Variants in PAPPA2 observed in about 807,000 individuals in gnomAD.
PAPPA2 encodes pappalysin 2.
Under a neutral mutation model 176.4 loss-of-function variants are expected in PAPPA2, and 86 were observed. The observed-to-expected ratio is 0.49, with a 90% CI of 0.41 to 0.58. The LOEUF (loss-of-function observed/expected upper bound fraction) is 0.58. Among genes scored for constraint, PAPPA2 ranks in the 20% least tolerant of loss-of-function variants. The pLI, the probability that PAPPA2 is intolerant of heterozygous loss-of-function variation, is 0.00. For synonymous variants in PAPPA2, 809 were observed against 852.2 expected, an observed-to-expected ratio of 0.95 and a Z score of 0.88; for missense variants, 2,073 against 2,256.9, an observed-to-expected ratio of 0.92 and a Z score of 1.65.
At chr1:176,534,960 C>T (rs1447867605) in intron 1 of PAPPA2, among the ~76,000 whole-genome samples, 5 of 152,012 alleles carry the variant, frequency 3.3e-5, no homozygotes, top group African/African-American at 9.7e-5. Context: ...TACTGGGGTG[C>T]GAGAGGATCC....
chr1:176,590,615 A>G (rs1653599464), intron 2 of PAPPA2, among the ~76,000 whole-genome samples: 1 of 152,122 alleles, frequency 6.6e-6, no homozygotes, highest in Non-Finnish European at 1.5e-5. Context: ...TCTCACAACA[A>G]CCTCATGAGG....
intron 2 of PAPPA2, among the ~76,000 whole-genome samples, chr1:176,591,283 G>T (rs1653647804): frequency 6.6e-6 from 1 of 152,098 alleles, no homozygotes; most frequent in East Asian, 1.9e-4. Flanking sequence ...GCACTCTCTA[G>T]CCTTCCCAGA....
intron 15 of PAPPA2, among the ~76,000 whole-genome samples, chr1:176,768,623 C>T (rs192379481): frequency 2.6e-5 from 4 of 152,164 alleles, no homozygotes; most frequent in Non-Finnish European, 4.4e-5. Context: ...GTTTTTGAAC[C>T]GTTGTTTCAA....
In PAPPA2 at chr1:176,695,722, C is replaced by T; in HGVS notation, c.2625-16C>T. ...GACTCTCCTCATCTCCCATCTCCAT[C>T]CCTTTATCTCCCCAGGGCCTCAGGC... On this transcript the variant is annotated splice_polypyrimidine_tract_variant and intron_variant, in intron 6 of 22. Coordinates refer to ENST00000367662, the MANE Select transcript of PAPPA2 (RefSeq NM_020318.3). 3 of 1,613,570 alleles carry T rather than the reference C, an allele frequency of 1.9e-6. No individual in the cohort carries two copies. The highest frequency in any genetic ancestry group is 2.5e-6 in the Non-Finnish European group (3 of 1,179,650).
chr1:176,710,828 A>G (rs1241240115), intron 11 of PAPPA2, among the ~76,000 whole-genome samples: 1 of 152,142 alleles, frequency 6.6e-6, no homozygotes, highest in South Asian at 2.1e-4. Context: ...CTTTGAAGAG[A>G]TTGAGGAGCC....
chr1:176,623,490 A>G (rs1209308554), intron 3 of PAPPA2, among the ~76,000 whole-genome samples: 1 of 152,134 alleles, frequency 6.6e-6, no homozygotes, highest in Non-Finnish European at 1.5e-5. Flanking sequence ...GCATAAAAAC[A>G]GCTAGTCCTC....
At chr1:176,596,186 C>A (rs991664873) in intron 3 of PAPPA2, among the ~76,000 whole-genome samples, 2 of 152,156 alleles carry the variant, frequency 1.3e-5, no homozygotes, top group Non-Finnish European at 2.9e-5. Context: ...CCAGAAGGAT[C>A]TTTTTAAAAA....
chr1:176,730,487 T>C (rs1185816453), intron 12 of PAPPA2, among the ~76,000 whole-genome samples: 1 of 152,038 alleles, frequency 6.6e-6, no homozygotes, highest in African/African-American at 2.4e-5. Flanking sequence ...TGAACCTTCT[T>C]TTTCTCTTTT....
chr1:176,535,081 T>A (rs756862438), intron 1 of PAPPA2, among the ~76,000 whole-genome samples: 7 of 152,044 alleles, frequency 4.6e-5, no homozygotes, highest in Non-Finnish European at 7.4e-5. Flanking sequence ...AAGGAATGAA[T>A]CAGCTTCCTA....
intron 2 of PAPPA2, among the ~76,000 whole-genome samples, chr1:176,577,704 C>G (rs558399527): frequency 1.1e-4 from 16 of 152,138 alleles, no homozygotes; most frequent in African/African-American, 3.6e-4. Context: ...CCCTCATGCT[C>G]TCTCTGGGGG....
chr1:176,564,850 CTCAA>C (rs1651873304), intron 2 of PAPPA2, among the ~76,000 whole-genome samples: 1 of 150,550 alleles, frequency 6.6e-6, no homozygotes, highest in South Asian at 2.1e-4. Context: ...TCTCAATTAT[CTCAA>C]TCAATTATCT....
chr1:176,736,845 T>C (rs184746439), intron 12 of PAPPA2, among the ~76,000 whole-genome samples: 5 of 151,790 alleles, frequency 3.3e-5, no homozygotes, highest in African/African-American at 9.6e-5. Flanking sequence ...AAAGTAGAGA[T>C]ATATTCTGTA....
intron 12 of PAPPA2, among the ~76,000 whole-genome samples, chr1:176,721,461 C>A (rs903281374): frequency 1.3e-5 from 2 of 152,080 alleles, no homozygotes; most frequent in African/African-American, 4.8e-5. Flanking sequence ...TTAATGTGGG[C>A]CTGCTGGCAA....
At chr1:176,540,692 G>A (rs779362539) in intron 1 of PAPPA2, among the ~76,000 whole-genome samples, 9 of 152,178 alleles carry the variant, frequency 5.9e-5, no homozygotes, top group Non-Finnish European at 1.0e-4. Context: ...AGGCCAAAAT[G>A]TTGAGTTGAG....
At chr1:176,716,838 C>T (rs970805190) in intron 12 of PAPPA2, among the ~76,000 whole-genome samples, 2 of 151,438 alleles carry the variant, frequency 1.3e-5, no homozygotes, top group Non-Finnish European at 2.9e-5. Flanking sequence ...GTCTCGATCT[C>T]CTGACCTCGT....
intron 21 of PAPPA2, among the ~76,000 whole-genome samples, chr1:176,839,673 T>C (rs1051297155): frequency 6.6e-6 from 1 of 152,152 alleles, no homozygotes; most frequent in East Asian, 1.9e-4. Flanking sequence ...TGAGAAGCAG[T>C]ACAAAACCAA....
chr1:176,521,114 CAGAG>C (rs61314398), intron 1 of PAPPA2, among the ~76,000 whole-genome samples: 242 of 148,470 alleles, frequency 1.6e-3, no homozygotes, highest in Middle Eastern at 0.014. Flanking sequence ...GAGACAGAGA[CAGAG>C]AGAGAGAGAG....
chr1:176,697,575 A>T (rs1353773983), intron 7 of PAPPA2, among the ~76,000 whole-genome samples: 2 of 152,190 alleles, frequency 1.3e-5, no homozygotes, highest in Non-Finnish European at 2.9e-5. Flanking sequence ...CTTAACCACC[A>T]ACTATTTTCT....
Position 176,642,998 on chromosome 1 carries a change from G to GT in PAPPA2, c.1992-27964dup, listed in dbSNP as rs201057320. 3.7e-3 allele frequency among the ~76,000 whole-genome samples: 566 copies of GT among 151,688 alleles called. 3 individuals are homozygous for GT. Among genetic ancestry groups the GT allele is most frequent in the African/African-American group, 0.013 (525 of 41,400 alleles). On this transcript the variant is annotated intron_variant, in intron 3 of 22. Coordinates refer to ENST00000367662, the MANE Select transcript of PAPPA2 (RefSeq NM_020318.3). ...AATGCATTGCCTTTTCTGGGTGTCA[G>GT]TTTTTTTTCTATATGAGCATAAAAA...
Sources: allele counts gnomAD v4.1 joint callset (sites outside exome capture counted in the v4.1 genomes callset), GRCh38; gene constraint gnomAD v4.1.1; transcripts MANE v1.5; gene names NCBI Gene and HGNC (gene_info 2026-07-23, HGNC 2026-07-21).